Variants in HS6ST3 observed in about 807,000 individuals in gnomAD.
The protein encoded by HS6ST3 is heparan-sulfate 6-O-sulfotransferase 3.
In HS6ST3, 12 loss-of-function variants were observed where a neutral mutation model predicts 36.7. The ratio of observed to expected loss-of-function variants is 0.33; its 90% confidence interval spans 0.21 to 0.53. The LOEUF (loss-of-function observed/expected upper bound fraction) is 0.53. HS6ST3 is among the 20% of genes least tolerant of loss of function. The pLI, the probability that HS6ST3 is intolerant of heterozygous loss-of-function variation, is 0.95. For missense variants in HS6ST3, 584 were observed against 640.9 expected (o/e 0.91, Z 0.96); for synonymous variants, 240 against 257.5 (o/e 0.93, Z 0.65).
At chr13:96,347,821 A>C (rs1455264311) in intron 1 of HS6ST3, among the ~76,000 whole-genome samples, 3 of 151,360 alleles carry the variant, frequency 2.0e-5, no homozygotes, top group Admixed American at 1.3e-4. Context: ...TCCCCTCTTC[A>C]CTCCACCCCT....
chr13:96,812,696 T>C (rs934956501), intron 1 of HS6ST3, among the ~76,000 whole-genome samples: 2 of 152,226 alleles, frequency 1.3e-5, no homozygotes, highest in African/African-American at 4.8e-5. Context: ...TAAGTGAAAC[T>C]GTTCCCATTA....
intron 1 of HS6ST3, among the ~76,000 whole-genome samples, chr13:96,351,320 C>CTTTTTTTTTTTTTTTTTTT (rs11348541): frequency 7.0e-6 from 1 of 143,152 alleles, no homozygotes; most frequent in African/African-American, 2.7e-5. Flanking sequence ...AGGTGGCAGT[C>CTTTTTTTTTTTTTTTTTTT]TTTTTTTTTT....
intron 1 of HS6ST3, among the ~76,000 whole-genome samples, chr13:96,235,485 G>A (rs919108289): frequency 7.9e-5 from 12 of 152,176 alleles, no homozygotes; most frequent in African/African-American, 2.9e-4. Flanking sequence ...GCCACAAATG[G>A]GTCATAGGGG....
chr13:96,753,276 T>A lies in HS6ST3; in HGVS notation c.708-79214T>A, dbSNP rs924718749. ...AAGATTTTTCAAAACAAAACAACCC[T>A]CATGAAATTGGAATCTTTTATTACA... On this transcript the variant is annotated intron_variant, in intron 1 of 1. Transcript: ENST00000376705. Among the ~76,000 whole-genome samples the A allele has an allele frequency of 2.8e-4, 42 of 152,330 alleles. 1 individual carries two copies. Among genetic ancestry groups the A allele is most frequent in the African/African-American group, 1.0e-3 (42 of 41,592 alleles).
At chr13:96,655,816 G>A (rs371281025) in intron 1 of HS6ST3, among the ~76,000 whole-genome samples, 20 of 152,090 alleles carry the variant, frequency 1.3e-4, no homozygotes, top group Non-Finnish European at 1.0e-4. Context: ...ACTGCAGAGA[G>A]AAGAGCTTTC....
At chr13:96,299,883 T>C (rs79881574) in intron 1 of HS6ST3, among the ~76,000 whole-genome samples, 1 of 152,028 alleles carries the variant, frequency 6.6e-6, no homozygotes, top group Non-Finnish European at 1.5e-5. Flanking sequence ...GACTGGGTAA[T>C]TTATCTTTTA....
intron 1 of HS6ST3, among the ~76,000 whole-genome samples, chr13:96,203,609 CA>C (rs2054354198): frequency 6.6e-6 from 1 of 152,190 alleles, no homozygotes; most frequent in Non-Finnish European, 1.5e-5. Flanking sequence ...TTTAGAGCCT[CA>C]CACCCCCTTC....
intron 1 of HS6ST3, among the ~76,000 whole-genome samples, chr13:96,145,546 G>C (rs1714125267): frequency 1.3e-5 from 2 of 152,056 alleles, no homozygotes; most frequent in Admixed American, 1.3e-4. Context: ...GTAGATTCTG[G>C]ATATTAGCCC....
chr13:96,397,896 A>G (rs1301443305), intron 1 of HS6ST3, among the ~76,000 whole-genome samples: 1 of 152,210 alleles, frequency 6.6e-6, no homozygotes, highest in Non-Finnish European at 1.5e-5. Flanking sequence ...TTTACAGATG[A>G]GGAAACTGAG....
At chr13:96,198,452 AT>A (rs1199092530) in intron 1 of HS6ST3, among the ~76,000 whole-genome samples, 3 of 152,146 alleles carry the variant, frequency 2.0e-5, no homozygotes, top group African/African-American at 7.2e-5. Flanking sequence ...CAGGCTGCAA[AT>A]TTTCCAAACT....
chr13:96,235,454 CAT>C (rs556458528), intron 1 of HS6ST3, among the ~76,000 whole-genome samples: 110 of 152,198 alleles, frequency 7.2e-4, no homozygotes, highest in African/African-American at 2.5e-3. Context: ...TGGAGCCACA[CAT>C]AGAACCAGCA....
chr13:96,658,537 C>A (rs1403976019), intron 1 of HS6ST3, among the ~76,000 whole-genome samples: 1 of 151,148 alleles, frequency 6.6e-6, no homozygotes, highest in Non-Finnish European at 1.5e-5. Context: ...CCTGCCTTGG[C>A]CTCCCAAAGT....
At chr13:96,098,470 G>A (rs1170397255) in intron 1 of HS6ST3, among the ~76,000 whole-genome samples, 2 of 152,090 alleles carry the variant, frequency 1.3e-5, no homozygotes, top group Non-Finnish European at 2.9e-5. Context: ...AAATTTATCA[G>A]CCACTGAAAA....
intron 1 of HS6ST3, among the ~76,000 whole-genome samples, chr13:96,647,647 A>G (rs753725882): frequency 3.3e-5 from 5 of 152,094 alleles, no homozygotes; most frequent in Non-Finnish European, 7.4e-5. Flanking sequence ...TTTTTTGTTA[A>G]CGGAAAGCTG....
intron 1 of HS6ST3, among the ~76,000 whole-genome samples, chr13:96,640,669 C>G (rs1459829105): frequency 6.6e-6 from 1 of 151,958 alleles, no homozygotes; most frequent in African/African-American, 2.4e-5. Flanking sequence ...AGTTTTTCTT[C>G]TAGGATTCTT....
chr13:96,623,416 C>G (rs2056501729), intron 1 of HS6ST3, among the ~76,000 whole-genome samples: 2 of 151,556 alleles, frequency 1.3e-5, no homozygotes. Flanking sequence ...TTATAGCTTT[C>G]TAACTTTCTG....
chr13:96,613,365 C>T (rs888012780), intron 1 of HS6ST3, among the ~76,000 whole-genome samples: 1 of 152,192 alleles, frequency 6.6e-6, no homozygotes, highest in Non-Finnish European at 1.5e-5. Context: ...TAAGATTTCA[C>T]AGCTCATTTG....
At chr13:96,706,413 T>TTTTATATATA (rs5805987) in intron 1 of HS6ST3, among the ~76,000 whole-genome samples, 72 of 121,026 alleles carry the variant, frequency 5.9e-4, no homozygotes, top group Middle Eastern at 4.1e-3. Flanking sequence ...AGAATATATT[T>TTTTATATATA]TATATATATA....
chr13:96,606,039 T>G (rs995974745), intron 1 of HS6ST3, among the ~76,000 whole-genome samples: 1 of 152,086 alleles, frequency 6.6e-6, no homozygotes, highest in Non-Finnish European at 1.5e-5. Context: ...TCTCATACCA[T>G]GCAGAATGGC....
Sources: allele counts gnomAD v4.1 joint callset (sites outside exome capture counted in the v4.1 genomes callset), GRCh38; gene constraint gnomAD v4.1.1; transcripts MANE v1.5; gene names NCBI Gene and HGNC (gene_info 2026-07-23, HGNC 2026-07-21).